CYBRD1: variants seen among roughly 807,000 people sequenced by gnomAD.
CYBRD1 encodes the protein cytochrome b reductase 1.
CYBRD1 carries 14 observed loss-of-function variants against 21.9 expected under a neutral mutation model. The ratio of observed to expected loss-of-function variants is 0.64; its 90% CI spans 0.42 to 1.00. The LOEUF (loss-of-function observed/expected upper bound fraction) is 1.00, where lower values mean the gene tolerates loss of function less well. Ranked by LOEUF, CYBRD1 falls within the 50% of genes least tolerant of loss-of-function variation. The pLI is 0.00. For missense variants in CYBRD1, 328 were observed against 352.5 expected, an observed-to-expected ratio of 0.93 and a Z score of 0.56; for synonymous variants, 146 against 136.5, an observed-to-expected ratio of 1.07 and a Z score of -0.48.
rs775166396 is a variant in CYBRD1, at chr2:171,554,832, T to C, written c.*5T>C. 2 of 1,612,524 alleles carry C rather than the reference T, an allele frequency of 1.2e-6. No individual in the cohort carries two copies. The highest frequency in any genetic ancestry group is 3.3e-5 in the Admixed American group (2 of 59,980). On this transcript the variant is annotated 3_prime_UTR_variant, in exon 4 of 4. Transcript: ENST00000321348. ...GGGCAGAGATCTACCATGTAAAATG[T>C]TGTAGAGATAGAGCCATATAACGTC...
chr2:171,541,240 A>G (rs558395515), intron 1 of CYBRD1: 4 of 367,284 alleles, frequency 1.1e-5, no homozygotes, highest in African/African-American at 4.1e-5. Flanking sequence ...GGCTGGAGAT[A>G]TAAATTTTTT....
intron 1 of CYBRD1, among the ~76,000 whole-genome samples, chr2:171,525,213 C>T (rs918819588): frequency 6.6e-6 from 1 of 152,212 alleles, no homozygotes; most frequent in African/African-American, 2.4e-5. Context: ...GCTGAGATTA[C>T]AGACGTGAGC....
At position 171,536,751 on chromosome 2, in the gene CYBRD1, T is replaced by C. The variant is rs144374704; in HGVS notation, c.194-4834T>C. Among the ~76,000 whole-genome samples the C allele has an allele frequency of 7.7e-3, 1,176 of 152,342 alleles. 15 individuals are homozygous for C. Among genetic ancestry groups the C allele is most frequent in the African/African-American group, 0.027 (1,121 of 41,576 alleles). ...CGCCCAGCCTACTCTTGACTTTTAA[T>C]ATCAGAGATGAGTTTTTATTTTGGG... On this transcript the variant is annotated intron_variant, in intron 1 of 3. Coordinates refer to ENST00000321348, the MANE Select transcript of CYBRD1 (RefSeq NM_024843.4).
At position 171,541,640 on chromosome 2, in the gene CYBRD1, A is replaced by G. The variant is rs564389290; in HGVS notation, c.249A>G (p.Lys83=). ...WTWKCSKLLM[K]SIHAGLNAVA... is the part of the protein sequence containing the mutation. ...GGAAATGCAGCAAGCTCCTGATGAA[A>G]TCCATCCATGCAGGGTTAAATGCAG... The change falls in exon 2 of 4, where the codon AAA becomes AAG. Residue 83 remains lysine (K), a synonymous_variant. Coordinates refer to ENST00000321348, the MANE Select transcript of CYBRD1 (RefSeq NM_024843.4). The G allele has an allele frequency of 6.2e-7, 1 of 1,613,864 alleles. No individual in the cohort carries two copies. The highest frequency in any genetic ancestry group is 1.3e-5 in the African/African-American group (1 of 74,954).
At chr2:171,524,205 CGGCATCAG>C (rs58368144) in intron 1 of CYBRD1, among the ~76,000 whole-genome samples, 56,574 of 151,962 alleles carry the variant, frequency 0.37, 10,724 homozygotes, top group South Asian at 0.43. Flanking sequence ...GGTGTGAGAT[CGGCATCAG>C]GGTGTGAGCA....
intron 1 of CYBRD1, among the ~76,000 whole-genome samples, chr2:171,531,169 A>AG (rs896950362): frequency 1.4e-4 from 21 of 151,318 alleles, no homozygotes; most frequent in Non-Finnish European, 2.7e-4. Context: ...AAAAAAAAAA[A>AG]AAAGAAAGAC....
At chr2:171,541,346 C>G (rs1450113079) in intron 1 of CYBRD1, among the ~76,000 whole-genome samples, 2 of 152,032 alleles carry the variant, frequency 1.3e-5, no homozygotes, top group Admixed American at 1.3e-4. Flanking sequence ...AGGACCGAGC[C>G]TGAGAGGCAC....
intron 1 of CYBRD1, among the ~76,000 whole-genome samples, chr2:171,526,258 T>G (rs987290818): frequency 1.3e-5 from 2 of 151,318 alleles, no homozygotes; most frequent in Admixed American, 6.6e-5. Flanking sequence ...CAGAGTGAGA[T>G]TCTGTCTCGA....
At chr2:171,541,858 T>G in intron 2 of CYBRD1, 65 bp downstream of exon 2, 1 of 1,251,630 alleles carries the variant, frequency 8.0e-7, no homozygotes, top group South Asian at 1.3e-5. Context: ...AATGTTTTCT[T>G]TTCTTTTTTT....
upstream of CYBRD1, chr2:171,522,287 A>C: frequency 3.9e-6 from 6 of 1,547,620 alleles, no homozygotes; most frequent in Non-Finnish European, 5.2e-6. This position sits in a 1 kb window ranked among gnomAD's most constrained non-coding sequence, Gnocchi z 4.3. Context: ...TGGACGAGGG[A>C]GAGGGTGAGG....
chr2:171,540,017 C>T (rs1697606097), intron 1 of CYBRD1: 1 of 152,226 alleles, frequency 6.6e-6, no homozygotes, highest in Non-Finnish European at 1.5e-5. Flanking sequence ...AGGCGTGAGC[C>T]ACCGCGCCAG....
rs1030445670 is a variant in CYBRD1 at position 171,531,077 on chromosome 2, G to A, written c.193+8339G>A. 4.0e-4 allele frequency among the ~76,000 whole-genome samples: 60 copies of A among 148,966 alleles called. 1 individual carries two copies. The highest frequency in any genetic ancestry group is 1.4e-3 in the African/African-American group (57 of 40,504). On this transcript the variant is annotated intron_variant, in intron 1 of 3. Transcript: ENST00000321348. ...AGGCTGAGGCTGGAAGATCACTTGA[G>A]CCTGGGAGGTTGAGGCTGCAGTGAG...
At chr2:171,541,477 A>G (rs1697629974) in intron 1 of CYBRD1, 108 bp from the exon 2 acceptor site, 25 of 1,104,340 alleles carry the variant, frequency 2.3e-5, no homozygotes, top group Non-Finnish European at 3.2e-5. Context: ...AGCAAAAGCC[A>G]AGGGAAAAAG....
chr2:171,532,911 G>GTGTGTGTGTGTA (rs1491316856), intron 1 of CYBRD1, among the ~76,000 whole-genome samples: 2 of 146,518 alleles, frequency 1.4e-5, no homozygotes, highest in African/African-American at 5.1e-5. Context: ...GTGTGTGTGT[G>GTGTGTGTGTGTA]TATGGAAACA....
At chr2:171,531,377 CAAGT>C (rs1343976997) in intron 1 of CYBRD1, among the ~76,000 whole-genome samples, 3 of 152,060 alleles carry the variant, frequency 2.0e-5, no homozygotes, top group East Asian at 3.8e-4. Context: ...CTGTGTAAAA[CAAGT>C]AAGATACAGC....
intron 2 of CYBRD1, among the ~76,000 whole-genome samples, chr2:171,548,770 TAAA>T (rs55810777): frequency 2.6e-5 from 3 of 115,992 alleles, no homozygotes; most frequent in Non-Finnish European, 3.6e-5. Context: ...TTACACACAC[TAAA>T]AAAAAAAAAA....
chr2:171,543,368 C>A (rs1697664424), intron 2 of CYBRD1, among the ~76,000 whole-genome samples: 1 of 152,164 alleles, frequency 6.6e-6, no homozygotes, highest in Admixed American at 6.5e-5. Context: ...CTGCCCTGAA[C>A]CTTGGAGTCC....
chr2:171,541,921 G>A lies in CYBRD1; in HGVS notation c.402+128G>A, dbSNP rs951500290. The stretch of plus-strand genomic sequence containing the variant: ...GCTTAGCCACCCAGGCTGGAGTGCA[G>A]TGCTGCGATCTTGGCTCACTGCAAC... On this transcript the variant is annotated intron_variant, in intron 2 of 3. Coordinates refer to ENST00000321348, the MANE Select transcript of CYBRD1 (RefSeq NM_024843.4). 8 of 786,652 alleles carry A rather than the reference G, an allele frequency of 1.0e-5. No individual in the cohort carries two copies. The African/African-American group carries it at 1.5e-4, about 15-fold the overall frequency. 48.7% of individuals were successfully genotyped at this position (786,652 alleles called of 1,614,324 possible). A position where few individuals can be genotyped will look rare whatever the true frequency, so the allele number is the denominator to read the frequency against.
intron 1 of CYBRD1, among the ~76,000 whole-genome samples, chr2:171,524,086 T>TGTGGCC (rs1697350410): frequency 6.6e-6 from 1 of 152,232 alleles, no homozygotes; most frequent in Admixed American, 6.5e-5. Context: ...TTTAAACTTG[T>TGTGGCC]ACTGCAGCTT....
Sources: allele counts gnomAD v4.1 joint callset (sites outside exome capture counted in the v4.1 genomes callset), GRCh38; gene constraint gnomAD v4.1.1; non-coding constraint Gnocchi (gnomAD v3.1); transcripts MANE v1.5; gene names NCBI Gene and HGNC (gene_info 2026-07-23, HGNC 2026-07-21).